CARD6: variants seen among roughly 807,000 people sequenced by gnomAD.
CARD6 encodes caspase recruitment domain family member 6.
CARD6 carries 27 observed loss-of-function variants against 23.6 expected under a neutral mutation model. The observed-to-expected ratio is 1.14, with a 90% CI of 0.84 to 1.58. The LOEUF (loss-of-function observed/expected upper bound fraction) is 1.58, where lower values mean the gene tolerates loss of function less well. Among genes scored for constraint, CARD6 ranks in the 40% most tolerant of loss-of-function variants. The probability of loss-of-function intolerance (pLI) is 0.00; values close to 1 mark genes in which losing one functional copy is unlikely to be tolerated. For synonymous variants in CARD6, 397 were observed against 431.8 expected (o/e 0.92, Z 1.00); for missense variants, 1,214 against 1,209.9 (o/e 1.00, Z -0.05).
Position 40,843,381 on chromosome 5 carries a change from A to G in CARD6, c.513A>G (p.Thr171=), listed in dbSNP as rs200630635. ...GGAAGAATGAGAAGGAATATGACACACCAGAAGTCACATTATCATATTCAG... is the reference window on the plus strand; with the variant it reads ...GGAAGAATGAGAAGGAATATGACACGCCAGAAGTCACATTATCATATTCAG... ...SARKNEKEYD[T]PEVTLSYSVE... is the part of the protein sequence containing the mutation. The change falls in exon 2 of 3, where the codon ACA becomes ACG. Residue 171 remains threonine, a synonymous_variant. Coordinates refer to ENST00000254691, the MANE Select transcript of CARD6 (RefSeq NM_032587.4). The G allele has an allele frequency of 1.8e-5, 29 of 1,613,932 alleles. No homozygotes were observed. The East Asian group carries it at 6.5e-4, about 36-fold the overall frequency.
rs1371380727 is a variant in CARD6 at position 40,852,644 on chromosome 5, G to A, written c.1312G>A (p.Gly438Arg). 6.2e-7 allele frequency: 1 copy of A among 1,614,112 alleles called. No individual in the cohort carries two copies. The highest frequency in any genetic ancestry group is 8.5e-7 in the Non-Finnish European group (1 of 1,180,014). Reference sequence around the variant, plus strand: ...GAAGCAGTCAACACAGTTTTCAGGGGGGCCTACAGAGGATACAGAAAAGTT... The same window carrying A: ...GAAGCAGTCAACACAGTTTTCAGGGAGGCCTACAGAGGATACAGAAAAGTT... ...VKKQSTQFSG[G>R]PTEDTEKFLT... The change falls in exon 3 of 3, where the codon GGG becomes AGG. Residue 438 changes from glycine to arginine, a missense_variant. By Grantham distance (125) the Gly-to-Arg change is moderately radical (BLOSUM62 -2). Transcript: ENST00000254691.
At chr5:40,846,949 G>C (rs1745977021) in intron 2 of CARD6, among the ~76,000 whole-genome samples, 1 of 152,088 alleles carries the variant, frequency 6.6e-6, no homozygotes. Context: ...TTTAGGGTTG[G>C]GGGAAAACAA....
At position 40,854,878 on chromosome 5, in the gene CARD6, C is replaced by T. The variant is rs764506838; in HGVS notation, c.*432C>T. On this transcript the variant is annotated 3_prime_UTR_variant, in exon 3 of 3. Coordinates refer to ENST00000254691, the MANE Select transcript of CARD6 (RefSeq NM_032587.4). Reference sequence around the variant, plus strand: ...GTGTTGGGATTACGTGTGTAAGCCACAGTGCCCAGCCCGAATTGGATATCT... The same window carrying T: ...GTGTTGGGATTACGTGTGTAAGCCATAGTGCCCAGCCCGAATTGGATATCT... 6 of 168,720 alleles carry T rather than the reference C, an allele frequency of 3.6e-5. No individual in the cohort carries two copies. In the South Asian group the frequency reaches 9.2e-4, roughly 26 times the overall value. 10.5% of individuals were successfully genotyped at this position (168,720 alleles called of 1,614,324 possible). A position where few individuals can be genotyped will look rare whatever the true frequency, so the allele number is the denominator to read the frequency against.
At chr5:40,849,533 C>T (rs976760470) in intron 2 of CARD6, among the ~76,000 whole-genome samples, 1 of 151,394 alleles carries the variant, frequency 6.6e-6, no homozygotes, top group Non-Finnish European at 1.5e-5. Flanking sequence ...TTATTAATTC[C>T]TAAAATCTAT....
At chr5:40,850,775 G>A (rs1291488554) in intron 2 of CARD6, among the ~76,000 whole-genome samples, 4 of 138,882 alleles carry the variant, frequency 2.9e-5, no homozygotes, top group Admixed American at 7.3e-5. Context: ...ATTTCTCATA[G>A]ATGTATATAA....
intron 1 of CARD6, among the ~76,000 whole-genome samples, 198 bp downstream of exon 1, chr5:40,841,863 C>T (rs1047293125): frequency 4.6e-5 from 7 of 152,078 alleles, no homozygotes; most frequent in Admixed American, 3.3e-4. Context: ...TCTACTGAAT[C>T]GATAATTTGT....
rs1745860108 is a variant in CARD6, at chr5:40,841,547, G to A, written c.165G>A (p.Lys55=). 1 of 1,614,156 alleles carries A rather than the reference G, an allele frequency of 6.2e-7. No individual in the cohort carries two copies. The highest frequency in any genetic ancestry group is 8.5e-7 in the Non-Finnish European group (1 of 1,180,004). ...ETLENVTDLL[K]KSRKLLILVQ... is the part of the protein sequence containing the mutation. ...TGGAGAATGTTACAGATCTCCTGAA[G>A]AAAAGTCGGAAGCTGTTAATTTTGG... The change falls in exon 1 of 3, where the codon AAG becomes AAA. Residue 55 remains lysine (K), a synonymous_variant. Transcript: ENST00000254691.
intron 2 of CARD6, among the ~76,000 whole-genome samples, chr5:40,844,422 G>T (rs837389): frequency 6.6e-6 from 1 of 151,970 alleles, no homozygotes; most frequent in Non-Finnish European, 1.5e-5. Flanking sequence ...GTAAAGATGG[G>T]ATTTTGCCAT....
At position 40,843,727 on chromosome 5, in the gene CARD6, ATAGT is replaced by A; in HGVS notation, c.841+26_841+29del. 2 of 1,470,892 alleles carry A rather than the reference ATAGT, an allele frequency of 1.4e-6. No homozygotes were observed. The highest frequency in any genetic ancestry group is 1.5e-5 in the South Asian group (1 of 66,680). The allele number at this position is 1,470,892 out of a possible 1,614,324, so 91.1% of individuals were successfully genotyped here. ...TATAGAAGGTATGGAAATATCTTGT[ATAGT>A]TAGTTAGGCAACAACTTAATAAGTT... On this transcript the variant is annotated intron_variant, in intron 2 of 2. Coordinates refer to ENST00000254691, the MANE Select transcript of CARD6 (RefSeq NM_032587.4).
rs751950570 is a variant in CARD6, at chr5:40,843,241, C to T, written c.373C>T (p.Pro125Ser). The stretch of plus-strand genomic sequence containing the variant: ...TGCTTTTTCTCCTGGAATAAAACAG[C>T]CTGAAGCCCCTGAGATCACAGTGTT... ...EDAFSPGIKQ[P>S]EAPEITVFFS... The change falls in exon 2 of 3, where the codon CCT becomes TCT. Residue 125 changes from proline (P) to serine (S), a missense_variant. By Grantham distance (74) the Pro-to-Ser change is moderately conservative. Transcript: ENST00000254691. 19 of 1,613,740 alleles carry T rather than the reference C, an allele frequency of 1.2e-5. No homozygotes were observed. The highest frequency in any genetic ancestry group is 1.6e-5 in the Non-Finnish European group (19 of 1,179,872).
In CARD6 at chr5:40,853,101, G is replaced by C. The variant is rs1349423440; in HGVS notation, c.1769G>C (p.Ser590Thr). The change falls in exon 3 of 3, where the codon AGT (serine) becomes ACT (threonine). Residue 590 changes from serine (S) to threonine (T), a missense_variant. Ser to Thr is a moderately conservative substitution (Grantham distance 58). Transcript: ENST00000254691. The part of the protein sequence containing the change: ...YFVLSSQARE[S>T]EEAQIFQRIL... ...GTTCTCAGTTCCCAAGCCAGGGAGA[G>C]TGAAGAGGCTCAAATTTTTCAGAGG... 1 of 1,614,212 alleles carries C rather than the reference G, an allele frequency of 6.2e-7. No individual in the cohort carries two copies. The highest frequency in any genetic ancestry group is 2.2e-5 in the East Asian group (1 of 44,888).
At chr5:40,845,648 T>C (rs1011708759) in intron 2 of CARD6, among the ~76,000 whole-genome samples, 1 of 152,232 alleles carries the variant, frequency 6.6e-6, no homozygotes, top group Non-Finnish European at 1.5e-5. Context: ...TTATCTATTC[T>C]GTTTTTTTCT....
At position 40,852,964 on chromosome 5, in the gene CARD6, T is replaced by G; in HGVS notation, c.1632T>G (p.Gly544=). The part of the protein sequence containing the change: ...GNLESFWTQF[G]FLMEVSSAVF... ...TAGAAAGCTTTTGGACTCAGTTTGGTTTTTTGATGGAAGTTTCTTCAGCTG... is the reference window on the plus strand; with the variant it reads ...TAGAAAGCTTTTGGACTCAGTTTGGGTTTTTGATGGAAGTTTCTTCAGCTG... Residue 544 remains glycine, a synonymous_variant, in exon 3 of 3, where the codon GGT becomes GGG. Coordinates refer to ENST00000254691, the MANE Select transcript of CARD6 (RefSeq NM_032587.4). 1 of 1,614,116 alleles carries G rather than the reference T, an allele frequency of 6.2e-7. No homozygotes were observed.
At chr5:40,848,766 G>A (rs1746008773) in intron 2 of CARD6, among the ~76,000 whole-genome samples, 1 of 151,938 alleles carries the variant, frequency 6.6e-6, no homozygotes, top group Admixed American at 6.5e-5. Flanking sequence ...CTTTTCCATG[G>A]GTGGCAGCTG....
chr5:40,854,061 C>T lies in CARD6; in HGVS notation c.2729C>T (p.Pro910Leu). ...QPAAATQKLR[P>L]ASQQGVQMKT... Reference sequence around the variant, plus strand: ...GCAGCAGCCACACAAAAACTAAGACCTGCTTCTCAGCAAGGAGTCCAGATG... The same window carrying T: ...GCAGCAGCCACACAAAAACTAAGACTTGCTTCTCAGCAAGGAGTCCAGATG... Residue 910 changes from proline (P) to leucine (L), a missense_variant, in exon 3 of 3, where the codon CCT (proline) becomes CTT (leucine). Transcript: ENST00000254691. 1 of 1,614,196 alleles carries T rather than the reference C, an allele frequency of 6.2e-7. No individual in the cohort carries two copies.
intron 2 of CARD6, among the ~76,000 whole-genome samples, chr5:40,845,810 A>G (rs1745957195): frequency 2.6e-5 from 4 of 151,796 alleles, no homozygotes; most frequent in Admixed American, 2.6e-4. Context: ...TCCTGGCCTC[A>G]ATAATGCTAC....
At chr5:40,844,828 T>A (rs1658158304) in intron 2 of CARD6, among the ~76,000 whole-genome samples, 1 of 151,802 alleles carries the variant, frequency 6.6e-6, no homozygotes, top group Admixed American at 6.6e-5. Flanking sequence ...GCTAGAAATC[T>A]GAAATCAAAG....
At position 40,853,620 on chromosome 5, in the gene CARD6, C is replaced by T; in HGVS notation, c.2288C>T (p.Pro763Leu). 6.2e-7 allele frequency: 1 copy of T among 1,614,216 alleles called. No homozygotes were observed. Among genetic ancestry groups the T allele is most frequent in the South Asian group, 1.1e-5 (1 of 91,088 alleles). The stretch of plus-strand genomic sequence containing the variant: ...CGCCCCTTTGGGTCAGAGCAGAGGC[C>T]TAAGTGGTTCCATCCTTTGCCTTTT... Reference protein sequence around the residue: ...MGRPFGSEQRPKWFHPLPFQN... With the variant: ...MGRPFGSEQRLKWFHPLPFQN... The change falls in exon 3 of 3, where the codon CCT (proline) becomes CTT (leucine). Residue 763 changes from proline (P) to leucine (L), a missense_variant. Physicochemically the swap from Pro to Leu is moderately conservative, Grantham distance 98. Coordinates refer to ENST00000254691, the MANE Select transcript of CARD6 (RefSeq NM_032587.4).
intron 2 of CARD6, among the ~76,000 whole-genome samples, chr5:40,851,672 C>T (rs911498997): frequency 4.0e-5 from 6 of 151,790 alleles, no homozygotes; most frequent in Non-Finnish European, 7.4e-5. Context: ...AAAAATTAGC[C>T]GGGCATGGTG....
Sources: gnomAD v4.1 joint callset for allele counts (sites outside exome capture counted in the v4.1 genomes callset) on GRCh38, gnomAD v4.1.1 for gene constraint, MANE v1.5 for transcripts, NCBI Gene and HGNC (gene_info 2026-07-23, HGNC 2026-07-21) for gene names.